Variants in CSMD1 observed in about 807,000 individuals in gnomAD.
CSMD1 encodes the protein CUB and sushi domain-containing protein 1.
A neutral mutation model predicts 417.5 loss-of-function variants in CSMD1; 213 were observed. The observed-to-expected ratio is 0.51, with a 90% CI of 0.46 to 0.57. The LOEUF (loss-of-function observed/expected upper bound fraction) is 0.57, where lower values mean the gene tolerates loss of function less well. Among genes scored for constraint, CSMD1 ranks in the 20% least tolerant of loss-of-function variants. CSMD1 has a pLI of 0.00. For missense variants in CSMD1, 6,923 were observed against 4,529.7 expected (o/e 1.53, Z -15.17); for synonymous variants, 2,862 against 1,736.8 (o/e 1.65, Z -16.11).
chr8:4,732,868 G>A (rs1231610028), intron 1 of CSMD1, among the ~76,000 whole-genome samples: 1 of 152,134 alleles, frequency 6.6e-6, no homozygotes, highest in Non-Finnish European at 1.5e-5. Context: ...CATTCATTTA[G>A]CAAGCATTTA....
In CSMD1 at chr8:4,116,752, G is replaced by C. The variant is rs1585348201; in HGVS notation, c.416-84653C>G. 2.0e-5 allele frequency among the ~76,000 whole-genome samples: 3 copies of C among 152,032 alleles called. 1 individual carries two copies. In the Admixed American group the frequency reaches 2.0e-4, roughly 10 times the overall value. On this transcript the variant is annotated intron_variant, in intron 3 of 69. Transcript: ENST00000635120. ...CTAAAAGGGGCGGCTACGTGGAGAGGCAGGGGGTGCGGGAAACTCTATAGT... is the reference window on the plus strand; with the variant it reads ...CTAAAAGGGGCGGCTACGTGGAGAGCCAGGGGGTGCGGGAAACTCTATAGT...
chr8:3,270,814 T>C (rs572120824), intron 26 of CSMD1, among the ~76,000 whole-genome samples: 1 of 152,330 alleles, frequency 6.6e-6, no homozygotes, highest in South Asian at 2.1e-4. Context: ...GGGTAATTTA[T>C]AAAGAAAAGA....
intron 52 of CSMD1, among the ~76,000 whole-genome samples, chr8:3,014,681 G>A (rs549162513): frequency 5.5e-4 from 83 of 152,266 alleles, no homozygotes; most frequent in African/African-American, 2.0e-3. Context: ...GGGAACCTAA[G>A]GCAGGAGGAT....
chr8:2,951,731 T>A (rs1013207486), intron 65 of CSMD1, among the ~76,000 whole-genome samples: 1 of 152,192 alleles, frequency 6.6e-6, no homozygotes, highest in Non-Finnish European at 1.5e-5. Context: ...ACGAGAGCAA[T>A]GCCCTGTCTC....
intron 10 of CSMD1, among the ~76,000 whole-genome samples, chr8:3,504,679 C>G (rs1157160785): frequency 6.6e-6 from 1 of 152,176 alleles, no homozygotes; most frequent in Non-Finnish European, 1.5e-5. Context: ...GACCTCTTAT[C>G]TTTTGAATTC....
chr8:3,331,267 C>T (rs1171932227), intron 23 of CSMD1, among the ~76,000 whole-genome samples: 1 of 151,066 alleles, frequency 6.6e-6, no homozygotes, highest in Non-Finnish European at 1.5e-5. Flanking sequence ...AGCAACTTCC[C>T]TATTTAGATT....
chr8:4,954,186 G>A (rs906171784), intron 1 of CSMD1, among the ~76,000 whole-genome samples: 14 of 152,078 alleles, frequency 9.2e-5, no homozygotes, highest in African/African-American at 2.9e-4. Flanking sequence ...TAAACAAACA[G>A]AAAACACATT....
intron 26 of CSMD1, among the ~76,000 whole-genome samples, chr8:3,265,140 A>G (rs903880856): frequency 2.6e-5 from 4 of 152,224 alleles, no homozygotes; most frequent in Non-Finnish European, 5.9e-5. Flanking sequence ...GAGCAGAGAT[A>G]TTAAAAATAT....
intron 12 of CSMD1, among the ~76,000 whole-genome samples, chr8:3,416,497 T>C (rs1010723391): frequency 6.6e-6 from 1 of 152,080 alleles, no homozygotes; most frequent in Non-Finnish European, 1.5e-5. Context: ...ATTCGGTGTA[T>C]ACTTGAATTT....
intron 5 of CSMD1, among the ~76,000 whole-genome samples, chr8:3,849,006 C>T (rs2975386): frequency 0.16 from 24,486 of 151,422 alleles, 2,188 homozygotes; most frequent in East Asian, 0.4. Flanking sequence ...GACTTTCATA[C>T]AGAAGGTTCT....
At chr8:4,782,999 G>C (rs924568756) in intron 1 of CSMD1, among the ~76,000 whole-genome samples, 1 of 150,442 alleles carries the variant, frequency 6.6e-6, no homozygotes, top group Non-Finnish European at 1.5e-5. Context: ...GGTCAAATGT[G>C]AGATCCAGAT....
rs547636498 is a variant in CSMD1, at chr8:3,983,430, G to T, written c.818+14473C>A. ...CAGGCGTGAGCCACCGCGCCCGGCCGCAGCCTCCCACATCTAAAATTACCT... is the reference window on the plus strand; with the variant it reads ...CAGGCGTGAGCCACCGCGCCCGGCCTCAGCCTCCCACATCTAAAATTACCT... On this transcript the variant is annotated intron_variant, in intron 5 of 69. Transcript: ENST00000635120. 2.6e-5 allele frequency among the ~76,000 whole-genome samples: 4 copies of T among 151,950 alleles called. 1 individual carries two copies. The highest frequency in any genetic ancestry group is 2.0e-4 in the Admixed American group (3 of 15,256).
intron 2 of CSMD1, among the ~76,000 whole-genome samples, chr8:4,444,551 G>C (rs914852239): frequency 4.0e-5 from 6 of 151,872 alleles, no homozygotes; most frequent in Non-Finnish European, 5.9e-5. Context: ...CCATCTTTTA[G>C]GGGTTTTCTA....
chr8:3,226,762 G>C (rs1467601640), intron 27 of CSMD1, among the ~76,000 whole-genome samples: 1 of 152,002 alleles, frequency 6.6e-6, no homozygotes, highest in African/African-American at 2.4e-5. Context: ...AGCAATGGCA[G>C]GTGTTGAAAA....
intron 3 of CSMD1, among the ~76,000 whole-genome samples, chr8:4,181,903 A>G (rs1798397656): frequency 1.3e-5 from 2 of 152,082 alleles, no homozygotes; most frequent in South Asian, 2.1e-4. Context: ...GATAACCACA[A>G]AGGCAGGACA....
intron 5 of CSMD1, among the ~76,000 whole-genome samples, chr8:3,982,374 C>T (rs1281970917): frequency 6.6e-6 from 1 of 151,546 alleles, no homozygotes; most frequent in Admixed American, 6.6e-5. Context: ...TTGTACAAAC[C>T]TCCATGGTTG....
chr8:3,921,256 T>G (rs1462111929), intron 5 of CSMD1, among the ~76,000 whole-genome samples: 2 of 152,130 alleles, frequency 1.3e-5, no homozygotes, highest in African/African-American at 4.8e-5. Context: ...TAATACCTGT[T>G]GTAGTATCAC....
chr8:3,729,593 C>G (rs980016345), intron 6 of CSMD1, among the ~76,000 whole-genome samples: 1 of 152,058 alleles, frequency 6.6e-6, no homozygotes, highest in African/African-American at 2.4e-5. Context: ...TGACAACCTG[C>G]TGGAAGCCAT....
At chr8:4,146,391 G>A (rs1359949350) in intron 3 of CSMD1, among the ~76,000 whole-genome samples, 2 of 150,348 alleles carry the variant, frequency 1.3e-5, no homozygotes, top group African/African-American at 2.5e-5. Context: ...GCAATTCGGG[G>A]TTGATAATGT....
Sources: gnomAD v4.1 joint callset for allele counts (sites outside exome capture counted in the v4.1 genomes callset) on GRCh38, gnomAD v4.1.1 for gene constraint, MANE v1.5 for transcripts, NCBI Gene and HGNC (gene_info 2026-07-23, HGNC 2026-07-21) for gene names.